CATSPERE: variants seen among roughly 807,000 people sequenced by gnomAD.
CATSPERE encodes catsper channel auxiliary subunit epsilon.
A neutral mutation model predicts 114.1 loss-of-function variants in CATSPERE; 93 were observed. The ratio of observed to expected loss-of-function variants is 0.81; its 90% confidence interval spans 0.69 to 0.97. The LOEUF (loss-of-function observed/expected upper bound fraction) is 0.97. CATSPERE is among the 50% of genes least tolerant of loss of function. The probability of loss-of-function intolerance (pLI) is 0.00; values close to 1 mark genes in which losing one functional copy is unlikely to be tolerated. For synonymous variants in CATSPERE, 341 were observed against 384.1 expected, an observed-to-expected ratio of 0.89 and a Z score of 1.31; for missense variants, 1,058 against 1,131.6, an observed-to-expected ratio of 0.93 and a Z score of 0.93.
At chr1:244,591,791 A>C in intron 15 of CATSPERE, 60 bp downstream of exon 15, 1 of 1,015,504 alleles carries the variant, frequency 9.8e-7, no homozygotes, top group Non-Finnish European at 1.5e-6. Context: ...AATACTTTAC[A>C]ATCAGTACTT....
chr1:244,588,569 T>G (rs766210167), intron 14 of CATSPERE, 35 bp downstream of exon 14: 3 of 1,503,274 alleles, frequency 2.0e-6, no homozygotes, highest in Non-Finnish European at 2.8e-6. Context: ...TGTTACTCTT[T>G]AAGTTTTAAA....
rs576981937 is a variant in CATSPERE, at chr1:244,606,821, C to T, written c.2403+1027C>T. Among the ~76,000 whole-genome samples the T allele has an allele frequency of 7.2e-5, 11 of 152,138 alleles. No individual in the cohort carries two copies. The East Asian group carries it at 2.1e-3, about 29-fold the overall frequency. ...TTCACCATGTTGCCCAGGCTGGTTT[C>T]GAACTCTTGACCTCAATTGATCCAC... On this transcript the variant is annotated intron_variant, in intron 18 of 21. Coordinates refer to ENST00000366534, the MANE Select transcript of CATSPERE (RefSeq NM_001130957.2).
At chr1:244,528,789 A>ATGCG (rs1679110519) in intron 8 of CATSPERE, among the ~76,000 whole-genome samples, 1 of 129,312 alleles carries the variant, frequency 7.7e-6, no homozygotes, top group African/African-American at 3.7e-5. Flanking sequence ...CCCCCACCAC[A>ATGCG]CACACACACA....
intron 17 of CATSPERE, among the ~76,000 whole-genome samples, chr1:244,604,243 A>G (rs989973918): frequency 5.3e-5 from 8 of 152,216 alleles, no homozygotes; most frequent in Non-Finnish European, 1.0e-4. Flanking sequence ...CCAAACACCA[A>G]TCCTCCAATC....
chr1:244,499,036 C>G lies in CATSPERE; in HGVS notation c.386C>G (p.Ala129Gly). The G allele has an allele frequency of 6.2e-7, 1 of 1,612,682 alleles. No homozygotes were observed. The highest frequency in any genetic ancestry group is 8.5e-7 in the Non-Finnish European group (1 of 1,178,942). Residue 129 changes from alanine to glycine, a missense_variant, in exon 7 of 22, where the codon GCA becomes GGA. Physicochemically the swap from Ala to Gly is moderately conservative, Grantham distance 60. Transcript: ENST00000366534. The stretch of plus-strand genomic sequence containing the variant: ...GTGTGGGCATATGATCCAGAAAGTG[C>G]AGATCCTGATGAGTTGCTGGGGAAT... ...ITVWAYDPESADPDELLGNAE... is the reference protein window; with the variant it reads ...ITVWAYDPESGDPDELLGNAE...
intron 9 of CATSPERE, among the ~76,000 whole-genome samples, chr1:244,558,800 T>C (rs900770000): frequency 6.6e-6 from 1 of 152,082 alleles, no homozygotes; most frequent in Non-Finnish European, 1.5e-5. Context: ...TCTCCTTCTG[T>C]CTCCTATTTC....
chr1:244,480,641 T>TTCAATAAAACTACAC (rs55834250), intron 5 of CATSPERE, among the ~76,000 whole-genome samples: 1 of 151,406 alleles, frequency 6.6e-6, no homozygotes, highest in African/African-American at 2.4e-5. Context: ...TGGTTGTTGC[T>TTCAATAAAACTACAC]GATAGTTTTA....
chr1:244,487,528 G>A (rs917700036), intron 5 of CATSPERE, among the ~76,000 whole-genome samples: 3 of 152,038 alleles, frequency 2.0e-5, no homozygotes, highest in Non-Finnish European at 2.9e-5. Flanking sequence ...AGTAAGCCAC[G>A]CCATCATCAC....
chr1:244,491,493 G>A (rs1341735539), intron 6 of CATSPERE, among the ~76,000 whole-genome samples: 1 of 151,910 alleles, frequency 6.6e-6, no homozygotes, highest in Non-Finnish European at 1.5e-5. Context: ...GAGAAAGCAG[G>A]AAAGATCCAA....
chr1:244,467,534 C>T (rs1260277534), intron 2 of CATSPERE, among the ~76,000 whole-genome samples: 2 of 152,148 alleles, frequency 1.3e-5, no homozygotes, highest in African/African-American at 4.8e-5. Context: ...GTTGGTATAA[C>T]CACTTTGAAA....
intron 5 of CATSPERE, among the ~76,000 whole-genome samples, chr1:244,489,279 G>A (rs778503991): frequency 9.2e-5 from 14 of 151,956 alleles, no homozygotes; most frequent in Non-Finnish European, 2.1e-4. Context: ...TTCCTTTCAG[G>A]GCTGGTGAGG....
intron 19 of CATSPERE, among the ~76,000 whole-genome samples, chr1:244,611,366 G>A (rs1670697252): frequency 6.6e-6 from 1 of 152,020 alleles, no homozygotes; most frequent in Non-Finnish European, 1.5e-5. Flanking sequence ...GAGGCGTGTG[G>A]ATCACTTGAG....
chr1:244,470,395 A>C (rs1189466558), intron 2 of CATSPERE, among the ~76,000 whole-genome samples: 2 of 152,238 alleles, frequency 1.3e-5, no homozygotes, highest in Non-Finnish European at 2.9e-5. Context: ...TCATTTCTCC[A>C]AAGAAGATAT....
At chr1:244,615,398 A>G (rs748446577) in intron 19 of CATSPERE, among the ~76,000 whole-genome samples, 1 of 152,010 alleles carries the variant, frequency 6.6e-6, no homozygotes, top group Non-Finnish European at 1.5e-5. Flanking sequence ...TACATCACTT[A>G]ACAATGGGAA....
At chr1:244,599,679 A>G (rs977699293) in intron 17 of CATSPERE, among the ~76,000 whole-genome samples, 4 of 152,206 alleles carry the variant, frequency 2.6e-5, no homozygotes, top group Non-Finnish European at 5.9e-5. Context: ...ATGACTTTCA[A>G]GGTTCTATTT....
chr1:244,621,124 T>G (rs1220075589), intron 20 of CATSPERE, among the ~76,000 whole-genome samples: 5,101 of 44,580 alleles, frequency 0.11, 1,138 homozygotes, highest in Non-Finnish European at 0.15. Context: ...ATAATATATA[T>G]ATAAATATAT....
chr1:244,523,825 A>G (rs1351150021), intron 8 of CATSPERE, among the ~76,000 whole-genome samples: 12 of 148,392 alleles, frequency 8.1e-5, no homozygotes, highest in Admixed American at 1.3e-4. Flanking sequence ...CCACTGCTCA[A>G]TGAAATAAAA....
chr1:244,636,275 G>T (rs1674620125), intron 21 of CATSPERE, among the ~76,000 whole-genome samples: 1 of 151,830 alleles, frequency 6.6e-6, no homozygotes, highest in East Asian at 1.9e-4. Flanking sequence ...TTTGGAATTT[G>T]GGTGTTTGGG....
chr1:244,624,767 A>C (rs1573071290), intron 20 of CATSPERE, among the ~76,000 whole-genome samples: 1 of 151,850 alleles, frequency 6.6e-6, no homozygotes, highest in Middle Eastern at 3.4e-3. Context: ...GCACCACTGC[A>C]CTCCAGCCTG....
Sources: gnomAD v4.1 joint callset for allele counts (sites outside exome capture counted in the v4.1 genomes callset) on GRCh38, gnomAD v4.1.1 for gene constraint, MANE v1.5 for transcripts, NCBI Gene and HGNC (gene_info 2026-07-23, HGNC 2026-07-21) for gene names.